Variants in GUCY1A2 observed in about 807,000 individuals in gnomAD.
GUCY1A2 encodes the protein guanylate cyclase soluble subunit alpha-2.
A neutral mutation model predicts 63.5 loss-of-function variants in GUCY1A2; 27 were observed. The ratio of observed to expected loss-of-function variants is 0.43; its 90% CI spans 0.31 to 0.59. The LOEUF is 0.59. Among genes scored for constraint, GUCY1A2 ranks in the 20% least tolerant of loss-of-function variants. GUCY1A2 has a pLI of 0.11. For synonymous variants in GUCY1A2, 364 were observed against 343.5 expected (o/e 1.06, Z -0.66); for missense variants, 768 against 913.3 (o/e 0.84, Z 2.05).
chr11:106,683,641 G>T lies in GUCY1A2; in HGVS notation c.*3908C>A. 1 of 226,908 alleles carries T rather than the reference G, an allele frequency of 4.4e-6. No individual in the cohort carries two copies. The allele number at this position is 226,908 out of a possible 1,614,324, so 14.1% of individuals were successfully genotyped here. On this transcript the variant is annotated 3_prime_UTR_variant, in exon 8 of 8. Coordinates refer to ENST00000526355, the MANE Select transcript of GUCY1A2 (RefSeq NM_000855.3). ...GCTGTTTGCTGTGGCCAGGCGTGAG[G>T]GGGTGAGATGGTTTCTAGTGACAGA... is the stretch of plus-strand genomic sequence containing the variant.
rs1270767883 is a variant in GUCY1A2, at chr11:106,796,914, A to G, written c.1692+13079T>C. On this transcript the variant is annotated intron_variant, in intron 5 of 7. Coordinates refer to ENST00000526355, the MANE Select transcript of GUCY1A2 (RefSeq NM_000855.3). Reference sequence around the variant, plus strand: ...CTTCCTGTCACTTTCAGGCACACCAATCAGACGTAGATTTGGTCTTTTCAC... The same window carrying G: ...CTTCCTGTCACTTTCAGGCACACCAGTCAGACGTAGATTTGGTCTTTTCAC... Among the ~76,000 whole-genome samples the G allele has an allele frequency of 2.6e-5, 4 of 152,150 alleles. No homozygotes were observed. The East Asian group carries it at 7.7e-4, about 29-fold the overall frequency.
At chr11:106,737,644 C>G (rs112597497) in intron 6 of GUCY1A2, among the ~76,000 whole-genome samples, 2 of 152,080 alleles carry the variant, frequency 1.3e-5, no homozygotes, top group Non-Finnish European at 2.9e-5. Flanking sequence ...TGAGAACATG[C>G]GGTGTTTGGT....
intron 4 of GUCY1A2, chr11:106,823,879 T>A (rs1858933580): frequency 6.5e-6 from 2 of 305,766 alleles, no homozygotes; most frequent in East Asian, 5.9e-5. Flanking sequence ...TTGAGAAATG[T>A]TTGTTCATGT....
chr11:106,884,379 T>C (rs1206817716), intron 4 of GUCY1A2, among the ~76,000 whole-genome samples: 1 of 152,066 alleles, frequency 6.6e-6, no homozygotes, highest in Non-Finnish European at 1.5e-5. Flanking sequence ...ATTAGAAGAA[T>C]AGAAGTTAAC....
chr11:107,013,199 A>G (rs1861772426), intron 1 of GUCY1A2, among the ~76,000 whole-genome samples: 1 of 152,046 alleles, frequency 6.6e-6, no homozygotes. Flanking sequence ...CAATTCTGTT[A>G]CTTTTTTTTC....
intron 4 of GUCY1A2, among the ~76,000 whole-genome samples, chr11:106,898,033 AAT>A (rs1860075657): frequency 6.6e-6 from 1 of 152,166 alleles, no homozygotes; most frequent in Non-Finnish European, 1.5e-5. Context: ...AAACAGAACA[AAT>A]ATCTTAAAAA....
At chr11:106,874,471 T>C (rs1859722091) in intron 4 of GUCY1A2, among the ~76,000 whole-genome samples, 1 of 152,184 alleles carries the variant, frequency 6.6e-6, no homozygotes, top group African/African-American at 2.4e-5. Context: ...TGTCACAGTC[T>C]CAAAGCAGAG....
intron 3 of GUCY1A2, among the ~76,000 whole-genome samples, chr11:106,963,081 T>C (rs945988590): frequency 3.3e-5 from 5 of 152,164 alleles, no homozygotes; most frequent in African/African-American, 9.7e-5. Context: ...CAATGCTATA[T>C]GGAGATACAG....
At chr11:106,832,371 T>C (rs1327877156) in intron 4 of GUCY1A2, among the ~76,000 whole-genome samples, 1 of 152,176 alleles carries the variant, frequency 6.6e-6, no homozygotes, top group Non-Finnish European at 1.5e-5. Flanking sequence ...AAACTATGTA[T>C]TAGAGACTTT....
At chr11:106,800,451 C>T (rs550348701) in intron 5 of GUCY1A2, among the ~76,000 whole-genome samples, 18 of 152,134 alleles carry the variant, frequency 1.2e-4, no homozygotes, top group Admixed American at 7.9e-4. Context: ...ATGTTCATTG[C>T]GGCACTATTC....
chr11:106,960,869 A>G (rs2120061601), intron 3 of GUCY1A2, among the ~76,000 whole-genome samples: 1 of 152,192 alleles, frequency 6.6e-6, no homozygotes, highest in East Asian at 1.9e-4. Flanking sequence ...ACAACAGACC[A>G]ATTTTCTAAT....
chr11:106,713,600 G>A (rs930157780), intron 6 of GUCY1A2, among the ~76,000 whole-genome samples: 11 of 140,120 alleles, frequency 7.9e-5, no homozygotes, highest in African/African-American at 2.7e-4. Context: ...TCCGTCTCCC[G>A]GGTTCACGCC....
At chr11:106,757,096 T>A (rs1863988428) in intron 6 of GUCY1A2, among the ~76,000 whole-genome samples, 2 of 152,220 alleles carry the variant, frequency 1.3e-5, no homozygotes. Context: ...TTTCATTAAT[T>A]TGATCTTCAA....
chr11:106,977,890 C>G (rs1861282564), intron 3 of GUCY1A2, among the ~76,000 whole-genome samples: 1 of 151,954 alleles, frequency 6.6e-6, no homozygotes, highest in South Asian at 2.1e-4. Context: ...AGAGAAATTT[C>G]TCACTAGAAA....
chr11:106,767,998 C>CAACA (rs1398774291), intron 6 of GUCY1A2, among the ~76,000 whole-genome samples: 2 of 152,080 alleles, frequency 1.3e-5, no homozygotes, highest in Admixed American at 6.6e-5. Context: ...TTACAATCCA[C>CAACA]AACAAACAAT....
intron 7 of GUCY1A2, among the ~76,000 whole-genome samples, chr11:106,702,209 G>T (rs1473543890): frequency 6.6e-6 from 1 of 152,160 alleles, no homozygotes; most frequent in Non-Finnish European, 1.5e-5. Flanking sequence ...AATGTTTGCT[G>T]TGACTATGAT....
chr11:106,755,461 C>T (rs1252061363), intron 6 of GUCY1A2, among the ~76,000 whole-genome samples: 2 of 152,016 alleles, frequency 1.3e-5, no homozygotes, highest in Non-Finnish European at 1.5e-5. Flanking sequence ...TTAGATCTTT[C>T]CTGCTTTCTC....
rs1023746240 is a variant in GUCY1A2, at chr11:106,843,973, C to T, written c.1207-33495G>A. Among the ~76,000 whole-genome samples, 3 of 151,794 alleles carry T rather than the reference C, an allele frequency of 2.0e-5. No homozygotes were observed. The Admixed American group carries it at 2.0e-4, about 10-fold the overall frequency. ...AATGAGGTATAACATCGGTCAGCAT[C>T]TTGTCATATCATTGGAGGGCACTCT... On this transcript the variant is annotated intron_variant, in intron 4 of 7. Coordinates refer to ENST00000526355, the MANE Select transcript of GUCY1A2 (RefSeq NM_000855.3).
At chr11:106,826,848 G>A in intron 4 of GUCY1A2, 1 of 1,606,314 alleles carries the variant, frequency 6.2e-7, no homozygotes, top group South Asian at 1.1e-5. Context: ...TATCAGGAAG[G>A]GATGTGTGCA....
Sources: gnomAD v4.1 joint callset for allele counts (sites outside exome capture counted in the v4.1 genomes callset) on GRCh38, gnomAD v4.1.1 for gene constraint, MANE v1.5 for transcripts, NCBI Gene and HGNC (gene_info 2026-07-23, HGNC 2026-07-21) for gene names.